Variants in TERF2 observed in about 807,000 individuals in gnomAD.
The protein encoded by TERF2 is telomeric repeat binding factor 2.
In TERF2, 16 loss-of-function variants were observed where a neutral mutation model predicts 56.1. That is an observed-to-expected ratio of 0.29 (90% CI 0.19 to 0.43). The LOEUF (loss-of-function observed/expected upper bound fraction) is 0.43, where lower values mean the gene tolerates loss of function less well. Among genes scored for constraint, TERF2 ranks in the 20% least tolerant of loss-of-function variants. The pLI is 1.00. For synonymous variants in TERF2, 296 were observed against 282.1 expected (o/e 1.05, Z -0.50); for missense variants, 547 against 712.9 (o/e 0.77, Z 2.65).
intron 8 of TERF2, among the ~76,000 whole-genome samples, chr16:69,359,752 C>T (rs1308942804): frequency 7.0e-6 from 1 of 143,398 alleles, no homozygotes; most frequent in African/African-American, 2.6e-5. Context: ...TCCTGAGTAG[C>T]TGGGACTACA....
In TERF2 at chr16:69,364,816, A is replaced by G. The variant is rs547669465; in HGVS notation, c.1340+1991T>C. 2.6e-5 allele frequency among the ~76,000 whole-genome samples: 4 copies of G among 152,272 alleles called. No homozygotes were observed. The South Asian group carries it at 8.3e-4, about 32-fold the overall frequency. Reference sequence around the variant, plus strand: ...CATAAGTGGCCAGGGCACCTCACACATACTTCTTTAGAGCAGGGACACTGA... The same window carrying G: ...CATAAGTGGCCAGGGCACCTCACACGTACTTCTTTAGAGCAGGGACACTGA... On this transcript the variant is annotated intron_variant, in intron 7 of 9. Coordinates refer to ENST00000254942, the MANE Select transcript of TERF2 (RefSeq NM_005652.5).
chr16:69,360,672 C>T lies in TERF2; in HGVS notation c.1426+732G>A, dbSNP rs575735478. Among the ~76,000 whole-genome samples the T allele has an allele frequency of 4.6e-5, 6 of 129,346 alleles. No homozygotes were observed. The East Asian group carries it at 1.3e-3, about 28-fold the overall frequency. The allele number at this position is 129,346 out of a possible 152,430, so 84.9% of individuals were successfully genotyped here. ...ACAGTGAGCCAAGATCACACCACTG[C>T]ATTCCACCTTGGATGAGAGTGAGAC... is the stretch of plus-strand genomic sequence containing the variant. On this transcript the variant is annotated intron_variant, in intron 8 of 9. Transcript: ENST00000254942.
chr16:69,366,819 T>C lies in TERF2; in HGVS notation c.1328A>G (p.Glu443Gly), dbSNP rs1299268505. 1 of 1,606,998 alleles carries C rather than the reference T, an allele frequency of 6.2e-7. No homozygotes were observed. Among genetic ancestry groups the C allele is most frequent in the South Asian group, 1.1e-5 (1 of 90,770 alleles). ...PTVLNQPLPG[E>G]KNPKVPKGKW... Reference sequence around the variant, plus strand: ...AAGGTCTTCATACTTGGGATTCTTCTCTCCAGGGAGGGGTTGGTTGAGAAC... The same window carrying C: ...AAGGTCTTCATACTTGGGATTCTTCCCTCCAGGGAGGGGTTGGTTGAGAAC... Residue 443 changes from glutamate to glycine, a missense_variant, in exon 7 of 10, where the codon GAG (glutamate) becomes GGG (glycine). Transcript: ENST00000254942.
chr16:69,357,189 T>C, intron 9 of TERF2, 133 bp from the exon 10 acceptor site: 1 of 1,097,562 alleles, frequency 9.1e-7, no homozygotes, highest in Non-Finnish European at 1.3e-6. Flanking sequence ...CTTATGTTTT[T>C]AAACATGGAA....
At chr16:69,359,027 T>C (rs1332948999) in intron 8 of TERF2, among the ~76,000 whole-genome samples, 7 of 152,184 alleles carry the variant, frequency 4.6e-5, no homozygotes, top group East Asian at 1.9e-4. Flanking sequence ...AAGTAATGCA[T>C]TGCACTACAA....
In TERF2 at chr16:69,368,794, G is replaced by A. The variant is rs1190865851; in HGVS notation, c.841-312C>T. Among the ~76,000 whole-genome samples, 5 of 151,802 alleles carry A rather than the reference G, an allele frequency of 3.3e-5. No homozygotes were observed. In the East Asian group the frequency reaches 5.8e-4, roughly 18 times the overall value. On this transcript the variant is annotated intron_variant, in intron 5 of 9. Coordinates refer to ENST00000254942, the MANE Select transcript of TERF2 (RefSeq NM_005652.5). ...TGGGTTCAAGCAATTCTCCCATCTC[G>A]GCCTCCCAAGTAGCTGGGATTACAG...
intron 3 of TERF2, among the ~76,000 whole-genome samples, chr16:69,378,951 G>T (rs558712511): frequency 2.9e-5 from 3 of 104,706 alleles, no homozygotes; most frequent in African/African-American, 4.6e-5. Flanking sequence ...AATTTCCTGT[G>T]GGGGGGGGGA....
Position 69,362,715 on chromosome 16 carries a change from T to C in TERF2, c.1341-1226A>G, listed in dbSNP as rs75112175. Among the ~76,000 whole-genome samples, 997 of 152,348 alleles carry C rather than the reference T, an allele frequency of 6.5e-3. 45 individuals carry two copies. The South Asian group carries it at 0.12, about 18-fold the overall frequency. On this transcript the variant is annotated intron_variant, in intron 7 of 9. Coordinates refer to ENST00000254942, the MANE Select transcript of TERF2 (RefSeq NM_005652.5). ...CATTTCTTCTAATCAACTTTGCATT[T>C]ACCTGATTAATAACTGCCCTGGGAA... is the stretch of plus-strand genomic sequence containing the variant.
At chr16:69,376,863 G>GA (rs59645035) in intron 3 of TERF2, among the ~76,000 whole-genome samples, 42,613 of 110,842 alleles carry the variant, frequency 0.38, 8,570 homozygotes, top group African/African-American at 0.47. Context: ...TTGTCACATT[G>GA]AAAAAAAAAA....
chr16:69,371,263 TCGAGG>T (rs1276640152), intron 4 of TERF2, among the ~76,000 whole-genome samples: 3 of 148,466 alleles, frequency 2.0e-5, no homozygotes, highest in African/African-American at 7.5e-5. Flanking sequence ...CTTTGGGAGG[TCGAGG>T]CGGGCGGATC....
chr16:69,372,195 A>T (rs369021548), intron 4 of TERF2, 74 bp downstream of exon 4: 1 of 1,053,118 alleles, frequency 9.5e-7, no homozygotes, highest in East Asian at 2.5e-5. Context: ...CTGACCAAGA[A>T]CCCTTTCCCT....
chr16:69,368,848 T>A (rs1055111737), intron 5 of TERF2, among the ~76,000 whole-genome samples: 20 of 152,032 alleles, frequency 1.3e-4, no homozygotes, highest in African/African-American at 4.8e-4. Context: ...AGTTAATTTT[T>A]GTATTTTAGT....
intron 3 of TERF2, among the ~76,000 whole-genome samples, chr16:69,378,879 T>C (rs566119657): frequency 7.9e-5 from 12 of 151,558 alleles, no homozygotes; most frequent in Admixed American, 5.9e-4. Flanking sequence ...TGCTTTCAAA[T>C]TGAAATGAAG....
chr16:69,375,206 G>A (rs1395040082), intron 3 of TERF2, among the ~76,000 whole-genome samples: 1 of 152,160 alleles, frequency 6.6e-6, no homozygotes, highest in Non-Finnish European at 1.5e-5. Flanking sequence ...TATAAATAGA[G>A]ATGCTAAAAC....
intron 7 of TERF2, chr16:69,366,500 C>A: frequency 2.9e-6 from 1 of 343,086 alleles, no homozygotes. Flanking sequence ...ACACACAAGA[C>A]TAATGTTTAG....
Position 69,370,517 on chromosome 16 carries a change from C to T in TERF2, c.806G>A (p.Ser269Asn), listed in dbSNP as rs759122302. 2 of 1,614,190 alleles carry T rather than the reference C, an allele frequency of 1.2e-6. No individual in the cohort carries two copies. Among genetic ancestry groups the T allele is most frequent in the South Asian group, 2.2e-5 (2 of 91,088 alleles). ...GTAGGGCTCGGCGTCATCCAGGTGGCTCTCCAGGAAGCGCAGCATCTTCTG... is the reference window on the plus strand; with the variant it reads ...GTAGGGCTCGGCGTCATCCAGGTGGTTCTCCAGGAAGCGCAGCATCTTCTG... ...FQQKMLRFLE[S>N]HLDDAEPYLL... The change falls in exon 5 of 10, where the codon AGC becomes AAC. Residue 269 changes from serine to asparagine, a missense_variant. Transcript: ENST00000254942.
intron 7 of TERF2, among the ~76,000 whole-genome samples, chr16:69,361,733 C>T (rs2013148425): frequency 6.6e-6 from 1 of 151,946 alleles, no homozygotes; most frequent in African/African-American, 2.4e-5. Flanking sequence ...TCAAGCACAT[C>T]ACCACCCCTC....
intron 7 of TERF2, 158 bp downstream of exon 7, chr16:69,366,649 A>T: frequency 1.0e-6 from 1 of 954,442 alleles, no homozygotes; most frequent in Non-Finnish European, 1.5e-6. Flanking sequence ...AGGGATGGCT[A>T]CGTCGTCACT....
At position 69,367,211 on chromosome 16, in the gene TERF2, G is replaced by C. The variant is rs1431134501; in HGVS notation, c.948-12C>G. On this transcript the variant is annotated splice_polypyrimidine_tract_variant and intron_variant, in intron 6 of 9. Transcript: ENST00000254942. Reference sequence around the variant, plus strand: ...GATTCCGTAGCTGCCTGCAAATCAAGCATAGGCACAAAGATGTTTTTCACC... The same window carrying C: ...GATTCCGTAGCTGCCTGCAAATCAACCATAGGCACAAAGATGTTTTTCACC... 5 of 1,589,928 alleles carry C rather than the reference G, an allele frequency of 3.1e-6. No individual in the cohort carries two copies. Among genetic ancestry groups the C allele is most frequent in the Non-Finnish European group, 3.4e-6 (4 of 1,165,496 alleles).
Sources: gnomAD v4.1 joint callset for allele counts (sites outside exome capture counted in the v4.1 genomes callset) on GRCh38, gnomAD v4.1.1 for gene constraint, MANE v1.5 for transcripts, NCBI Gene and HGNC (gene_info 2026-07-23, HGNC 2026-07-21) for gene names.